ABI2: variants seen among roughly 807,000 people sequenced by gnomAD.
ABI2 encodes abelson interactor 2.
ABI2 carries 25 observed loss-of-function variants against 59.2 expected under a neutral mutation model. That is an observed-to-expected ratio of 0.42 (90% confidence interval 0.31 to 0.59). The LOEUF (loss-of-function observed/expected upper bound fraction) is 0.59, where lower values mean the gene tolerates loss of function less well. Among genes scored for constraint, ABI2 ranks in the 20% least tolerant of loss-of-function variants. The probability of loss-of-function intolerance (pLI) is 0.14; values close to 1 mark genes in which losing one functional copy is unlikely to be tolerated. For synonymous variants in ABI2, 213 were observed against 235.5 expected (o/e 0.90, Z 0.87); for missense variants, 545 against 681.8 (o/e 0.80, Z 2.23).
intron 1 of ABI2, among the ~76,000 whole-genome samples, chr2:203,350,334 C>A (rs2087000230): frequency 6.6e-6 from 1 of 151,950 alleles, no homozygotes; most frequent in Non-Finnish European, 1.5e-5. Context: ...GCCTCGTGAC[C>A]AACCACGCCT....
chr2:203,367,715 T>A (rs948780902), intron 2 of ABI2, among the ~76,000 whole-genome samples: 5 of 152,212 alleles, frequency 3.3e-5, no homozygotes, highest in Non-Finnish European at 5.9e-5. Flanking sequence ...TAGTTTTTTT[T>A]AAATGTAACT....
At chr2:203,421,027 G>A (rs1321591341) in intron 11 of ABI2, among the ~76,000 whole-genome samples, 1 of 151,996 alleles carries the variant, frequency 6.6e-6, no homozygotes, top group East Asian at 1.9e-4. Flanking sequence ...TAATTAGGTG[G>A]TGGGTGGCTA....
intron 1 of ABI2, among the ~76,000 whole-genome samples, chr2:203,364,490 C>T (rs575103267): frequency 7.2e-5 from 11 of 152,232 alleles, no homozygotes; most frequent in African/African-American, 2.4e-4. Flanking sequence ...CTGACTTATC[C>T]GTAGAGCAGA....
At chr2:203,350,556 T>A (rs1214466115) in intron 1 of ABI2, among the ~76,000 whole-genome samples, 2 of 150,310 alleles carry the variant, frequency 1.3e-5, no homozygotes, top group African/African-American at 4.9e-5. Flanking sequence ...TTTTTTTTTT[T>A]AAAGTTGAAG....
At chr2:203,338,973 TATATATATAA>T (rs1559154569) in intron 1 of ABI2, among the ~76,000 whole-genome samples, 531 of 10,184 alleles carry the variant, frequency 0.052, 49 homozygotes, top group African/African-American at 0.059. Flanking sequence ...AATATATATA[TATATATATAA>T]ATATATATAT....
chr2:203,375,069 T>A (rs1341236900), intron 2 of ABI2, among the ~76,000 whole-genome samples: 1 of 152,168 alleles, frequency 6.6e-6, no homozygotes, highest in Non-Finnish European at 1.5e-5. Flanking sequence ...ATAAGAGGTA[T>A]CCTTAAGGAA....
chr2:203,334,319 T>G (rs1244588647), intron 1 of ABI2, among the ~76,000 whole-genome samples: 1 of 152,198 alleles, frequency 6.6e-6, no homozygotes, highest in East Asian at 1.9e-4. Context: ...AGTCATCTTT[T>G]CTCACCCAGA....
At chr2:203,369,548 G>C (rs1038889338) in intron 2 of ABI2, among the ~76,000 whole-genome samples, 6 of 152,164 alleles carry the variant, frequency 3.9e-5, no homozygotes, top group African/African-American at 1.4e-4. Flanking sequence ...TTCTTTAGGA[G>C]TATCATATAA....
rs1559127171 is a variant in ABI2, at chr2:203,328,552, C to T, written c.38C>T (p.Pro13Leu). The T allele has an allele frequency of 1.2e-6, 2 of 1,604,772 alleles. No homozygotes were observed. The highest frequency in any genetic ancestry group is 1.4e-5 in the African/African-American group (1 of 73,538). The change falls in exon 1 of 12, where the codon CCG becomes CTG. Residue 13 changes from proline to leucine, a missense_variant. Transcript: ENST00000261018. ...ELQMLLEEEI[P>L]GGRRALFDSY... is the part of the protein sequence containing the mutation. ...CAGATGCTGCTGGAAGAGGAAATCC[C>T]GGGGGGCCGCCGGGCCCTCTTCGAC...
rs2152147487 is a variant in ABI2, at chr2:203,328,524, C to T, written c.10C>T (p.Leu4=). 1 of 1,604,286 alleles carries T rather than the reference C, an allele frequency of 6.2e-7. No homozygotes were observed. The highest frequency in any genetic ancestry group is 2.3e-5 in the East Asian group (1 of 43,598). Residue 4 remains leucine, a synonymous_variant, in exon 1 of 12, where the codon CTG becomes TTG. Transcript: ENST00000261018. ...GGAGGAGGATGTGAAGATGGCGGAGCTGCAGATGCTGCTGGAAGAGGAAAT... is the reference window on the plus strand; with the variant it reads ...GGAGGAGGATGTGAAGATGGCGGAGTTGCAGATGCTGCTGGAAGAGGAAAT... MAE[L]QMLLEEEIPG... is the part of the protein sequence containing the mutation.
intron 9 of ABI2, among the ~76,000 whole-genome samples, chr2:203,408,680 T>G (rs2097532048): frequency 6.6e-6 from 1 of 151,960 alleles, no homozygotes; most frequent in African/African-American, 2.4e-5. Context: ...TTCCCACTTT[T>G]CTGTTACACG....
intron 8 of ABI2, among the ~76,000 whole-genome samples, chr2:203,400,556 T>C (rs1441078291): frequency 6.6e-6 from 1 of 152,236 alleles, no homozygotes; most frequent in Non-Finnish European, 1.5e-5. Context: ...AATCATAGTT[T>C]ATATGTTTTC....
chr2:203,355,285 T>C (rs1011978643), intron 1 of ABI2: 1 of 279,248 alleles, frequency 3.6e-6, no homozygotes, highest in Non-Finnish European at 7.9e-6. Flanking sequence ...GGTAAGAGGA[T>C]TGCTGGAGCT....
At chr2:203,357,222 G>A (rs905774263) in intron 1 of ABI2, among the ~76,000 whole-genome samples, 1 of 152,150 alleles carries the variant, frequency 6.6e-6, no homozygotes, top group African/African-American at 2.4e-5. Flanking sequence ...ACATTTTATA[G>A]CTGAAAAGGA....
At chr2:203,385,559 T>C (rs1457629454) in intron 4 of ABI2, among the ~76,000 whole-genome samples, 1 of 152,230 alleles carries the variant, frequency 6.6e-6, no homozygotes, top group Non-Finnish European at 1.5e-5. Flanking sequence ...AAAAATGGAC[T>C]GTTTTCACTT....
intron 9 of ABI2, among the ~76,000 whole-genome samples, chr2:203,404,628 G>A (rs2097352643): frequency 1.3e-5 from 2 of 151,938 alleles, no homozygotes; most frequent in African/African-American, 2.4e-5. Context: ...GTACAATCTC[G>A]GCTCACTGCA....
At chr2:203,388,329 C>T (rs2096611499) in intron 4 of ABI2, among the ~76,000 whole-genome samples, 1 of 152,108 alleles carries the variant, frequency 6.6e-6, no homozygotes, top group Non-Finnish European at 1.5e-5. Context: ...ATCCCATTAA[C>T]CAAACAAATA....
chr2:203,414,350 C>T (rs2097800081), intron 10 of ABI2, among the ~76,000 whole-genome samples: 1 of 152,150 alleles, frequency 6.6e-6, no homozygotes, highest in Non-Finnish European at 1.5e-5. Flanking sequence ...GATCCTCCTG[C>T]CTCAGCCTCC....
intron 2 of ABI2, among the ~76,000 whole-genome samples, chr2:203,374,275 G>A (rs372390320): frequency 4.6e-5 from 7 of 152,100 alleles, no homozygotes; most frequent in Admixed American, 6.5e-5. Context: ...AAGGGTGGCC[G>A]GATCACCTGA....
Sources: allele counts gnomAD v4.1 joint callset (sites outside exome capture counted in the v4.1 genomes callset), GRCh38; gene constraint gnomAD v4.1.1; transcripts MANE v1.5; gene names NCBI Gene and HGNC (gene_info 2026-07-23, HGNC 2026-07-21).